LTAP1: variants seen among roughly 807,000 people sequenced by gnomAD.
LTAP1 encodes the protein lipid transport auxiliary protein 1.
the LTAP1 span, among the ~76,000 whole-genome samples, chr1:154,217,814 C>G: frequency 6.6e-6 from 1 of 152,050 alleles, no homozygotes; most frequent in African/African-American, 2.4e-5. Flanking sequence ...CCGGCCCACT[C>G]AGCATGTTTT....
At chr1:154,212,819 GC>G in the LTAP1 span, 1 of 581,624 alleles carries the variant, frequency 1.7e-6, no homozygotes. Flanking sequence ...GCACCACCAT[GC>G]CAGGCTTATT....
chr1:154,219,860 G>A, the LTAP1 span: 2 of 1,612,514 alleles, frequency 1.2e-6, no homozygotes, highest in Non-Finnish European at 1.7e-6. Flanking sequence ...GTCCCACAGG[G>A]ACATGAGGTC....
chr1:154,217,761 C>T, the LTAP1 span, among the ~76,000 whole-genome samples: 3 of 152,028 alleles, frequency 2.0e-5, no homozygotes, highest in South Asian at 2.1e-4. Context: ...CTGCCCAACT[C>T]GGCCTCCCTA....
chr1:154,218,502 G>A, the LTAP1 span, among the ~76,000 whole-genome samples: 7 of 152,192 alleles, frequency 4.6e-5, no homozygotes, highest in African/African-American at 1.7e-4. Flanking sequence ...TCCTCCTAGA[G>A]CCTTTTCATG....
the LTAP1 span, among the ~76,000 whole-genome samples, chr1:154,209,419 A>G: frequency 7.1e-6 from 1 of 141,158 alleles, no homozygotes; most frequent in African/African-American, 2.6e-5. Flanking sequence ...CAGTGCTCTA[A>G]GCAGTTTTTT....
At chr1:154,212,243 A>G in the LTAP1 span, 2 of 1,460,882 alleles carry the variant, frequency 1.4e-6, no homozygotes, top group Non-Finnish European at 1.9e-6. Context: ...TATATGCTTT[A>G]TGAAGGTCAC....
the LTAP1 span, chr1:154,219,824 C>G: frequency 1.3e-6 from 2 of 1,582,694 alleles, no homozygotes; most frequent in Non-Finnish European, 1.7e-6. Flanking sequence ...AACTTGTGCC[C>G]TAAGGACCTA....
the LTAP1 span, chr1:154,220,158 A>T: frequency 1.2e-6 from 1 of 805,122 alleles, no homozygotes; most frequent in Non-Finnish European, 2.1e-6. Flanking sequence ...GGAGGGTTCT[A>T]GACTAACGAG....
chr1:154,207,341 G>A, the LTAP1 span: 3 of 941,270 alleles, frequency 3.2e-6, no homozygotes, highest in Middle Eastern at 4.4e-4. Flanking sequence ...GAACTTGGAT[G>A]GATACAGTCT....
the LTAP1 span, chr1:154,219,982 G>A: frequency 7.2e-7 from 1 of 1,397,192 alleles, no homozygotes; most frequent in Non-Finnish European, 9.6e-7. Context: ...AGTCAGTTTT[G>A]TTTTGTTTTT....
At chr1:154,206,738 CATTT>C in the LTAP1 span, 1 of 161,328 alleles carries the variant, frequency 6.2e-6, no homozygotes, top group Non-Finnish European at 1.3e-5. Context: ...GATAATAGTT[CATTT>C]TATTAAATAA....
chr1:154,214,696 TTAA>T, the LTAP1 span: 1 of 632,806 alleles, frequency 1.6e-6, no homozygotes, highest in Non-Finnish European at 2.7e-6. Flanking sequence ...GCTCATGTAG[TTAA>T]TAAAATTACC....
At chr1:154,219,027 T>G in the LTAP1 span, among the ~76,000 whole-genome samples, 16 of 152,304 alleles carry the variant, frequency 1.1e-4, no homozygotes, top group Middle Eastern at 3.4e-3. Context: ...ATTCAGCCAG[T>G]GGAGCTGGGT....
chr1:154,215,020 T>C, the LTAP1 span, among the ~76,000 whole-genome samples: 2 of 151,890 alleles, frequency 1.3e-5, no homozygotes, highest in Non-Finnish European at 2.9e-5. Flanking sequence ...AATTTTTCTA[T>C]TCTTAGTAGA....
At chr1:154,214,145 C>T in the LTAP1 span, among the ~76,000 whole-genome samples, 4 of 152,066 alleles carry the variant, frequency 2.6e-5, no homozygotes, top group African/African-American at 7.2e-5. Flanking sequence ...GGCGTGGTGG[C>T]GCATGCCTGT....
chr1:154,213,212 C>G, the LTAP1 span: 3 of 152,918 alleles, frequency 2.0e-5, no homozygotes, highest in African/African-American at 7.2e-5. Flanking sequence ...GAGGCTGAGG[C>G]AGGAGAACCG....
the LTAP1 span, chr1:154,213,745 C>G: frequency 1.7e-6 from 1 of 572,520 alleles, no homozygotes; most frequent in Non-Finnish European, 3.1e-6. Context: ...AGCAAAATCT[C>G]TAATCTAGTA....
the LTAP1 span, chr1:154,213,229 C>T: frequency 6.5e-6 from 1 of 152,838 alleles, no homozygotes; most frequent in Non-Finnish European, 1.5e-5. Flanking sequence ...ACCGCTTGAA[C>T]CCAGGAGGTG....
chr1:154,220,031 T>G, the LTAP1 span: 4 of 1,119,486 alleles, frequency 3.6e-6, no homozygotes, highest in Admixed American at 2.6e-5. Flanking sequence ...ATCCCCAGAT[T>G]CCGGCTCTCA....
Sources: gnomAD v4.1 joint callset for allele counts (sites outside exome capture counted in the v4.1 genomes callset) on GRCh38, gnomAD v4.1.1 for gene constraint, MANE v1.5 for transcripts, NCBI Gene and HGNC (gene_info 2026-07-23, HGNC 2026-07-21) for gene names.